Variants in LRRC2 observed in about 807,000 individuals in gnomAD.
The protein encoded by LRRC2 is leucine-rich repeat-containing protein 2.
Under a neutral mutation model 40.2 loss-of-function variants are expected in LRRC2, and 27 were observed. That is an observed-to-expected ratio of 0.67 (90% CI 0.49 to 0.93). The LOEUF (loss-of-function observed/expected upper bound fraction) is 0.93. Among genes scored for constraint, LRRC2 ranks in the 40% least tolerant of loss-of-function variants. The pLI is 0.00. For synonymous variants in LRRC2, 147 were observed against 158.9 expected, an observed-to-expected ratio of 0.92 and a Z score of 0.56; for missense variants, 402 against 439.6, an observed-to-expected ratio of 0.91 and a Z score of 0.76.
At chr3:46,537,368 G>A (rs556166433) in intron 4 of LRRC2, among the ~76,000 whole-genome samples, 1 of 152,264 alleles carries the variant, frequency 6.6e-6, no homozygotes, top group East Asian at 1.9e-4. Context: ...CCAAAGTGCT[G>A]GGATTCCAGG....
chr3:46,551,795 TTTTGTTTG>T (rs1704662033), intron 1 of LRRC2, among the ~76,000 whole-genome samples, 185 bp from the exon 2 acceptor site: 1 of 124,026 alleles, frequency 8.1e-6, no homozygotes, highest in Non-Finnish European at 1.6e-5. Flanking sequence ...GCTGGTTGGG[TTTTGTTTG>T]TCTTGTTTTT....
At position 46,517,818 on chromosome 3, in the gene LRRC2, A is replaced by G. The variant is rs1415502305; in HGVS notation, c.*1196T>C. ...CACCTCTCCCAAATTCAAACAGCCCATGGGCTCCCTCTGGACTGAAGCATC... is the reference window on the plus strand; with the variant it reads ...CACCTCTCCCAAATTCAAACAGCCCGTGGGCTCCCTCTGGACTGAAGCATC... On this transcript the variant is annotated 3_prime_UTR_variant, in exon 9 of 9. Coordinates refer to ENST00000395905, the MANE Select transcript of LRRC2 (RefSeq NM_024512.5). 1.3e-5 allele frequency: 2 copies of G among 152,266 alleles called. No individual in the cohort carries two copies. The highest frequency in any genetic ancestry group is 4.8e-5 in the African/African-American group (2 of 41,474). The allele number at this position is 152,266 out of a possible 1,614,324, so 9.4% of individuals were successfully genotyped here. A position where few individuals can be genotyped will look rare whatever the true frequency, so the allele number is the denominator to read the frequency against.
At chr3:46,563,279 G>A (rs1268299194) in intron 1 of LRRC2, among the ~76,000 whole-genome samples, 1 of 152,106 alleles carries the variant, frequency 6.6e-6, no homozygotes, top group Non-Finnish European at 1.5e-5. Flanking sequence ...ACTTTCCAAT[G>A]AGAACTAGAT....
intron 2 of LRRC2, 63 bp from the exon 3 acceptor site, chr3:46,545,316 A>C: frequency 1.4e-6 from 2 of 1,461,650 alleles, no homozygotes; most frequent in Non-Finnish European, 1.9e-6. Flanking sequence ...TGCCTAGAGA[A>C]GTGAGTCAGC....
chr3:46,538,398 G>A (rs1419695115), intron 4 of LRRC2, among the ~76,000 whole-genome samples: 1 of 152,148 alleles, frequency 6.6e-6, no homozygotes, highest in East Asian at 1.9e-4. Context: ...ACTTTGGGAA[G>A]CCGAGGCAGG....
At chr3:46,562,700 C>T (rs1704971107) in intron 1 of LRRC2, among the ~76,000 whole-genome samples, 1 of 151,604 alleles carries the variant, frequency 6.6e-6, no homozygotes, top group Non-Finnish European at 1.5e-5. Flanking sequence ...GGAATGACTC[C>T]ATCATAATCT....
intron 1 of LRRC2, among the ~76,000 whole-genome samples, chr3:46,555,552 G>A (rs1322368850): frequency 6.6e-6 from 1 of 151,882 alleles, no homozygotes; most frequent in Non-Finnish European, 1.5e-5. Context: ...GTTGCCCTAA[G>A]AATTATTATA....
chr3:46,528,301 T>A (rs963625449), intron 6 of LRRC2, among the ~76,000 whole-genome samples: 1 of 152,104 alleles, frequency 6.6e-6, no homozygotes, highest in African/African-American at 2.4e-5. Flanking sequence ...CACTTTTTTT[T>A]TTTTTTAATG....
chr3:46,562,901 T>C (rs956222325), intron 1 of LRRC2, among the ~76,000 whole-genome samples: 2 of 152,130 alleles, frequency 1.3e-5, no homozygotes, highest in Non-Finnish European at 2.9e-5. Flanking sequence ...AATTTTTGTA[T>C]TTTTAGTAGA....
At chr3:46,552,979 T>C (rs1194344497) in intron 1 of LRRC2, among the ~76,000 whole-genome samples, 1 of 152,244 alleles carries the variant, frequency 6.6e-6, no homozygotes, top group Non-Finnish European at 1.5e-5. Flanking sequence ...ACCAAAACTT[T>C]ATGTCTATAT....
At chr3:46,526,583 T>C (rs1704063672) in intron 7 of LRRC2, among the ~76,000 whole-genome samples, 2 of 152,260 alleles carry the variant, frequency 1.3e-5, no homozygotes, top group Non-Finnish European at 1.5e-5. Flanking sequence ...TATGGAGTTG[T>C]TCTCTTTCTT....
chr3:46,554,046 G>T (rs894443954), intron 1 of LRRC2, among the ~76,000 whole-genome samples: 1 of 151,626 alleles, frequency 6.6e-6, no homozygotes. Context: ...CTGAGACAGG[G>T]TCTCACTCTG....
intron 5 of LRRC2, among the ~76,000 whole-genome samples, chr3:46,530,486 A>G (rs1029692044): frequency 6.6e-6 from 1 of 152,192 alleles, no homozygotes; most frequent in Non-Finnish European, 1.5e-5. Flanking sequence ...AGGCTGAGGC[A>G]GGAGAATTAC....
chr3:46,527,215 A>G (rs1559409375), intron 7 of LRRC2, among the ~76,000 whole-genome samples: 2 of 152,224 alleles, frequency 1.3e-5, no homozygotes. Flanking sequence ...ATTTGTGCAG[A>G]AATCCTCTGA....
intron 3 of LRRC2, among the ~76,000 whole-genome samples, chr3:46,544,649 A>G (rs1301621981): frequency 6.6e-6 from 1 of 152,254 alleles, no homozygotes; most frequent in Admixed American, 6.5e-5. Flanking sequence ...AAAACCAGAT[A>G]AAGGATCTGC....
chr3:46,543,618 T>TTAATAATAATAATAATAA (rs202012137), intron 3 of LRRC2, among the ~76,000 whole-genome samples: 53 of 105,112 alleles, frequency 5.0e-4, no homozygotes, highest in African/African-American at 1.1e-3. Flanking sequence ...TCCATCTCAA[T>TTAATAATAATAATAATAA]TAATAATAAT....
At chr3:46,551,162 T>A (rs1240181644) in intron 2 of LRRC2, 1 of 198,246 alleles carries the variant, frequency 5.0e-6, no homozygotes, top group African/African-American at 2.3e-5. Context: ...GTGAGTTAGC[T>A]CAGTGAACTC....
At position 46,546,715 on chromosome 3, in the gene LRRC2, CT is replaced by C. The variant is rs71098416; in HGVS notation, c.126-1463del. ...CACCCCCAGAAACACCAATTTGCTC[CT>C]TTTTTTTTTTTTTTTTTTTTGAGAC... On this transcript the variant is annotated intron_variant, in intron 2 of 8. Transcript: ENST00000395905. 7.7e-3 allele frequency among the ~76,000 whole-genome samples: 818 copies of C among 106,604 alleles called. 3 individuals are homozygous for C. The highest frequency in any genetic ancestry group is 0.015 in the African/African-American group (406 of 27,674). The allele number at this position is 106,604 out of a possible 152,430, so 69.9% of individuals were successfully genotyped here. A position where few individuals can be genotyped will look rare whatever the true frequency, so the allele number is the denominator to read the frequency against.
chr3:46,549,038 G>A (rs6778415), intron 2 of LRRC2, among the ~76,000 whole-genome samples: 12,291 of 152,100 alleles, frequency 0.081, 580 homozygotes, highest in South Asian at 0.17. Flanking sequence ...GGGAACCTCC[G>A]CTCCAAATGA....
Sources: allele counts gnomAD v4.1 joint callset (sites outside exome capture counted in the v4.1 genomes callset), GRCh38; gene constraint gnomAD v4.1.1; transcripts MANE v1.5; gene names NCBI Gene and HGNC (gene_info 2026-07-23, HGNC 2026-07-21).